The following B3GALT9 variants were observed in gnomAD, a reference collection of about 807,000 sequenced individuals.
The protein encoded by B3GALT9 is UDP-GlcNAc:betaGal beta-1,3-N-acetylglucosaminyltransferase 10 (putative).
rs1376194103 is a variant in B3GALT9 at position 120,801,778 on chromosome 9, T to A, written c.*2100T>A. On this transcript the variant is annotated 3_prime_UTR_variant, in exon 3 of 3. Coordinates refer to ENST00000689072, the MANE Select transcript of B3GALT9 (RefSeq NM_001386823.1). ...AAATAAAATAAATAAAGTGATTTGC[T>A]TTCATGCTATTGTGTTGTTTGAGTC... 6.6e-6 allele frequency among the ~76,000 whole-genome samples: 1 copy of A among 152,174 alleles called. No homozygotes were observed. The highest frequency in any genetic ancestry group is 2.4e-5 in the African/African-American group (1 of 41,458).
In B3GALT9 at chr9:120,800,116, A is replaced by ATTT. The variant is rs34598368; in HGVS notation, c.*453_*455dup. ...AGGCATGTGCCACCATACCCGGCTA[A>ATTT]TTTTTTTTTTTTTTTTTCGGAGACA... is the stretch of plus-strand genomic sequence containing the variant. On this transcript the variant is annotated 3_prime_UTR_variant, in exon 3 of 3. Transcript: ENST00000689072. Among the ~76,000 whole-genome samples, 1 of 122,860 alleles carries ATTT rather than the reference A, an allele frequency of 8.1e-6. No homozygotes were observed. Among genetic ancestry groups the ATTT allele is most frequent in the African/African-American group, 3.1e-5 (1 of 32,048 alleles). The allele number at this position is 122,860 out of a possible 152,430, so 80.6% of individuals were successfully genotyped here. A position where few individuals can be genotyped will look rare whatever the true frequency, so the allele number is the denominator to read the frequency against.
rs2044966905 is a variant in B3GALT9 at position 120,801,017 on chromosome 9, G to C, written c.*1339G>C. Among the ~76,000 whole-genome samples the C allele has an allele frequency of 6.6e-6, 1 of 152,130 alleles. No individual in the cohort carries two copies. The highest frequency in any genetic ancestry group is 2.4e-5 in the African/African-American group (1 of 41,404). Reference sequence around the variant, plus strand: ...TTTCATGTAACATAATGCACTCCAGGTTCATCCATGTTGTTGGAAATGACA... The same window carrying C: ...TTTCATGTAACATAATGCACTCCAGCTTCATCCATGTTGTTGGAAATGACA... On this transcript the variant is annotated 3_prime_UTR_variant, in exon 3 of 3. Coordinates refer to ENST00000689072, the MANE Select transcript of B3GALT9 (RefSeq NM_001386823.1).
At chr9:120,795,594 T>C (rs867051141) in intron 1 of B3GALT9, among the ~76,000 whole-genome samples, 5 of 152,348 alleles carry the variant, frequency 3.3e-5, no homozygotes, top group Middle Eastern at 3.4e-3. Context: ...GATTGTATGA[T>C]GGTTGCTGAG....
chr9:120,793,739 GA>G lies in B3GALT9; in HGVS notation c.-363del, dbSNP rs2044909161. On this transcript the variant is annotated 5_prime_UTR_variant, in exon 1 of 3. Coordinates refer to ENST00000689072, the MANE Select transcript of B3GALT9 (RefSeq NM_001386823.1). ...GGAGGAGAGGGAGCTGTGGCTTAGA[GA>G]AGTTAAGAGACGTGTCCAAATTCAT... is the stretch of plus-strand genomic sequence containing the variant. 1 of 398,392 alleles carries G rather than the reference GA, an allele frequency of 2.5e-6. No individual in the cohort carries two copies. The allele number at this position is 398,392 out of a possible 1,614,324, so 24.7% of individuals were successfully genotyped here. A position where few individuals can be genotyped will look rare whatever the true frequency, so the allele number is the denominator to read the frequency against.
In B3GALT9 at chr9:120,800,913, G is replaced by GT. The variant is rs2044966345; in HGVS notation, c.*1238dup. Among the ~76,000 whole-genome samples, 2 of 152,108 alleles carry GT rather than the reference G, an allele frequency of 1.3e-5. No individual in the cohort carries two copies. Among genetic ancestry groups the GT allele is most frequent in the African/African-American group, 4.8e-5 (2 of 41,420 alleles). On this transcript the variant is annotated 3_prime_UTR_variant, in exon 3 of 3. Transcript: ENST00000689072. ...CTCTGGTAACCTCCATTTACTCTCT[G>GT]TTTCTATGAATTTGAGTTTTTTTAC...
rs2044910159 is a variant in B3GALT9 at position 120,793,829 on chromosome 9, A to AACG, written c.-274_-272dup. 2.5e-6 allele frequency: 1 copy of AACG among 393,004 alleles called. No homozygotes were observed. The highest frequency in any genetic ancestry group is 4.5e-6 in the Non-Finnish European group (1 of 223,242). 24.3% of individuals were successfully genotyped at this position (393,004 alleles called of 1,614,324 possible). ...TAGGGGATAGGGTTAGTGAACAAAA[A>AACG]ACGCAAAAGCCCCTGACCGCCTGGG... is the stretch of plus-strand genomic sequence containing the variant. On this transcript the variant is annotated 5_prime_UTR_variant, in exon 1 of 3. Coordinates refer to ENST00000689072, the MANE Select transcript of B3GALT9 (RefSeq NM_001386823.1).
chr9:120,799,874 G>A lies in B3GALT9; in HGVS notation c.*196G>A, dbSNP rs2044960166. The A allele has an allele frequency of 7.9e-6, 3 of 380,032 alleles. No individual in the cohort carries two copies. The highest frequency in any genetic ancestry group is 1.4e-5 in the Non-Finnish European group (3 of 215,446). The allele number at this position is 380,032 out of a possible 1,614,324, so 23.5% of individuals were successfully genotyped here. ...AAATTTTTAAAAAATTTAAGTTGGT[G>A]TAGCATAATTCTTTTCAAAATGAAA... On this transcript the variant is annotated 3_prime_UTR_variant, in exon 3 of 3. Coordinates refer to ENST00000689072, the MANE Select transcript of B3GALT9 (RefSeq NM_001386823.1).
At position 120,799,725 on chromosome 9, in the gene B3GALT9, C is replaced by G. The variant is rs893246420; in HGVS notation, c.*47C>G. On this transcript the variant is annotated 3_prime_UTR_variant, in exon 3 of 3. Transcript: ENST00000689072. ...GAGTCTACTATTTTAAAGTTACCTT[C>G]TACCCTGTTATGGAAAGCATCCCTT... 3 of 398,074 alleles carry G rather than the reference C, an allele frequency of 7.5e-6. No individual in the cohort carries two copies. The highest frequency in any genetic ancestry group is 2.1e-5 in the African/African-American group (1 of 48,596). 24.7% of individuals were successfully genotyped at this position (398,074 alleles called of 1,614,324 possible).
At chr9:120,796,381 CACTCTAGCTGTA>C (rs1164584110) in intron 1 of B3GALT9, 30 bp from the exon 2 acceptor site, 1 of 152,226 alleles carries the variant, frequency 6.6e-6, no homozygotes, top group East Asian at 1.9e-4. Flanking sequence ...GTTCTGGATT[CACTCTAGCTGTA>C]ACATGATCAG....
rs1185882026 is a variant in B3GALT9 at position 120,800,571 on chromosome 9, C to T, written c.*893C>T. Among the ~76,000 whole-genome samples the T allele has an allele frequency of 6.6e-6, 1 of 151,770 alleles. No homozygotes were observed. The highest frequency in any genetic ancestry group is 2.4e-5 in the African/African-American group (1 of 41,306). ...TGAGGAACCGTACCTGGCCAGTACA[C>T]AATTCATTATAACTAAGTTTTTTTT... On this transcript the variant is annotated 3_prime_UTR_variant, in exon 3 of 3. Transcript: ENST00000689072.
chr9:120,795,207 T>C (rs551728712), intron 1 of B3GALT9, among the ~76,000 whole-genome samples: 12 of 152,172 alleles, frequency 7.9e-5, no homozygotes, highest in East Asian at 1.9e-4. Flanking sequence ...AAGACAGATA[T>C]ACAGATTGGA....
Position 120,796,442 on chromosome 9 carries a change from A to T in B3GALT9, c.-162A>T, listed in dbSNP as rs1293347718. On this transcript the variant is annotated 5_prime_UTR_variant, in exon 2 of 3. Coordinates refer to ENST00000689072, the MANE Select transcript of B3GALT9 (RefSeq NM_001386823.1). ...ATGCAGTCAGCAGGTATTCTAGGATAAAAGCTCAGGTTGATTGGCAAGAAA... is the reference window on the plus strand; with the variant it reads ...ATGCAGTCAGCAGGTATTCTAGGATTAAAGCTCAGGTTGATTGGCAAGAAA... The T allele has an allele frequency of 6.6e-6, 1 of 152,226 alleles. No homozygotes were observed. Among genetic ancestry groups the T allele is most frequent in the African/African-American group, 2.4e-5 (1 of 41,454 alleles). 9.4% of individuals were successfully genotyped at this position (152,226 alleles called of 1,614,324 possible).
rs545870817 is a variant in B3GALT9 at position 120,799,465 on chromosome 9, C to A, written c.897C>A (p.Tyr299Ter). The change falls in exon 3 of 3, where the codon TAC becomes TAA. Residue 299 changes from tyrosine to a stop codon, truncating the protein, a stop_gained. Transcript: ENST00000689072. LOFTEE classifies it high-confidence loss of function. ...SRFSGKRHIR[Y>*]NRCCYKFIFT... ...TTTCTGGGAAAAGGCACATTAGATA[C>A]AACAGATGTTGCTATAAGTTCATTT... 5.5e-5 allele frequency: 22 copies of A among 399,338 alleles called. No individual in the cohort carries two copies. Among genetic ancestry groups the A allele is most frequent in the South Asian group, 2.5e-4 (2 of 7,856 alleles). The allele number at this position is 399,338 out of a possible 1,614,324, so 24.7% of individuals were successfully genotyped here. A position where few individuals can be genotyped will look rare whatever the true frequency, so the allele number is the denominator to read the frequency against.
At chr9:120,795,929 C>G (rs1164895560) in intron 1 of B3GALT9, among the ~76,000 whole-genome samples, 1 of 152,160 alleles carries the variant, frequency 6.6e-6, no homozygotes, top group Non-Finnish European at 1.5e-5. Flanking sequence ...ATGTTGTCTT[C>G]CATTTTGAGC....
rs2131406677 is a variant in B3GALT9 at position 120,799,868 on chromosome 9, G to T, written c.*190G>T. 2.6e-6 allele frequency: 1 copy of T among 383,802 alleles called. No individual in the cohort carries two copies. Among genetic ancestry groups the T allele is most frequent in the South Asian group, 1.5e-4 (1 of 6,884 alleles). 23.8% of individuals were successfully genotyped at this position (383,802 alleles called of 1,614,324 possible). A position where few individuals can be genotyped will look rare whatever the true frequency, so the allele number is the denominator to read the frequency against. ...GATCTCAAATTTTTAAAAAATTTAA[G>T]TTGGTGTAGCATAATTCTTTTCAAA... On this transcript the variant is annotated 3_prime_UTR_variant, in exon 3 of 3. Coordinates refer to ENST00000689072, the MANE Select transcript of B3GALT9 (RefSeq NM_001386823.1).
rs984995357 is a variant in B3GALT9, at chr9:120,799,820, G to T, written c.*142G>T. 7.6e-6 allele frequency: 3 copies of T among 396,102 alleles called. No homozygotes were observed. The Admixed American group carries it at 1.3e-4, about 17-fold the overall frequency. The allele number at this position is 396,102 out of a possible 1,614,324, so 24.5% of individuals were successfully genotyped here. ...TGCAAAGGTACAAAATGTTTTCTGTGCTCTGGTGTGCTCAATTACTGAGAT... is the reference window on the plus strand; with the variant it reads ...TGCAAAGGTACAAAATGTTTTCTGTTCTCTGGTGTGCTCAATTACTGAGAT... On this transcript the variant is annotated 3_prime_UTR_variant, in exon 3 of 3. Transcript: ENST00000689072.
In B3GALT9 at chr9:120,801,632, C is replaced by T. The variant is rs1314927848; in HGVS notation, c.*1954C>T. On this transcript the variant is annotated 3_prime_UTR_variant, in exon 3 of 3. Coordinates refer to ENST00000689072, the MANE Select transcript of B3GALT9 (RefSeq NM_001386823.1). The stretch of plus-strand genomic sequence containing the variant: ...GTACGTGCCTGTAATCCCAGCTACG[C>T]GGGAGGCTGACACAGGAAAATCGCT... Among the ~76,000 whole-genome samples the T allele has an allele frequency of 1.3e-5, 2 of 152,096 alleles. No homozygotes were observed. The highest frequency in any genetic ancestry group is 2.4e-5 in the African/African-American group (1 of 41,416).
intron 1 of B3GALT9, among the ~76,000 whole-genome samples, chr9:120,795,183 A>G (rs1034624369): frequency 1.3e-5 from 2 of 152,268 alleles, no homozygotes; most frequent in Non-Finnish European, 1.5e-5. Flanking sequence ...TCACAGCATT[A>G]TAAGACATTT....
In B3GALT9 at chr9:120,800,983, C is replaced by T. The variant is rs1157700080; in HGVS notation, c.*1305C>T. Among the ~76,000 whole-genome samples the T allele has an allele frequency of 6.6e-6, 1 of 152,158 alleles. No individual in the cohort carries two copies. Among genetic ancestry groups the T allele is most frequent in the Admixed American group, 6.6e-5 (1 of 15,266 alleles). On this transcript the variant is annotated 3_prime_UTR_variant, in exon 3 of 3. Coordinates refer to ENST00000689072, the MANE Select transcript of B3GALT9 (RefSeq NM_001386823.1). ...TCATGTGCTTATTTGTCCTTCAATG[C>T]CTGGTTTATTTCATGTAACATAATG...
Sources: gnomAD v4.1 joint callset for allele counts (sites outside exome capture counted in the v4.1 genomes callset) on GRCh38, gnomAD v4.1.1 for gene constraint, MANE v1.5 for transcripts, NCBI Gene and HGNC (gene_info 2026-07-23, HGNC 2026-07-21) for gene names.